CDC42SE2: variants seen among roughly 807,000 people sequenced by gnomAD.
CDC42SE2 encodes CDC42 small effector 2.
In CDC42SE2, 3 loss-of-function variants were observed where a neutral mutation model predicts 11.5. That is an observed-to-expected ratio of 0.26 (90% CI 0.12 to 0.67). The LOEUF is 0.67. Ranked by LOEUF, CDC42SE2 falls within the 30% of genes least tolerant of loss-of-function variation. The pLI, the probability that CDC42SE2 is intolerant of heterozygous loss-of-function variation, is 0.80. For missense variants in CDC42SE2, 82 were observed against 106.8 expected, an observed-to-expected ratio of 0.77 and a Z score of 1.02; for synonymous variants, 33 against 34.8, an observed-to-expected ratio of 0.95 and a Z score of 0.18.
At chr5:131,225,179 C>G in the CDC42SE2 span, among the ~76,000 whole-genome samples, 4 of 152,194 alleles carry the variant, frequency 2.6e-5, no homozygotes, top group African/African-American at 9.7e-5. Flanking sequence ...ACAGTGGCTT[C>G]TCTTGATTCA....
At chr5:131,296,685 C>T (rs937590658) in intron 1 of CDC42SE2, among the ~76,000 whole-genome samples, 1 of 152,136 alleles carries the variant, frequency 6.6e-6, no homozygotes, top group Non-Finnish European at 1.5e-5. Flanking sequence ...ACATCTGCAA[C>T]GTAAGGTCAC....
intron 3 of CDC42SE2, among the ~76,000 whole-genome samples, chr5:131,383,669 T>A (rs1750390702): frequency 6.6e-6 from 1 of 152,236 alleles, no homozygotes; most frequent in Non-Finnish European, 1.5e-5. Flanking sequence ...GTCAGCAGAC[T>A]ACTACTTTTA....
intron 1 of CDC42SE2, among the ~76,000 whole-genome samples, chr5:131,298,125 T>G (rs1257879249): frequency 6.6e-6 from 1 of 151,702 alleles, no homozygotes; most frequent in East Asian, 1.9e-4. Flanking sequence ...TTTTTTTTTT[T>G]GAGTTTTACT....
At chr5:131,318,112 T>C (rs894776099) in intron 2 of CDC42SE2, among the ~76,000 whole-genome samples, 11 of 151,920 alleles carry the variant, frequency 7.2e-5, no homozygotes, top group African/African-American at 2.7e-4. Context: ...AGCCAATTTA[T>C]ATTTTTTGTA....
At chr5:131,345,323 C>T (rs1580768689) in intron 2 of CDC42SE2, among the ~76,000 whole-genome samples, 1 of 152,018 alleles carries the variant, frequency 6.6e-6, no homozygotes, top group African/African-American at 2.4e-5. Context: ...CCTGATGGAG[C>T]TGAAAACCAT....
intron 2 of CDC42SE2, among the ~76,000 whole-genome samples, chr5:131,321,237 C>A (rs1376563497): frequency 6.6e-6 from 1 of 152,150 alleles, no homozygotes; most frequent in Non-Finnish European, 1.5e-5. Context: ...TGTGAATATA[C>A]AGGGTTAGTT....
At chr5:131,369,575 G>A (rs1749958880) in intron 3 of CDC42SE2, among the ~76,000 whole-genome samples, 1 of 152,134 alleles carries the variant, frequency 6.6e-6, no homozygotes, top group Non-Finnish European at 1.5e-5. Flanking sequence ...TCTTCAACAC[G>A]TGGTATTTTC....
intron 2 of CDC42SE2, among the ~76,000 whole-genome samples, chr5:131,352,956 T>C (rs1426290531): frequency 6.6e-6 from 1 of 152,106 alleles, no homozygotes; most frequent in East Asian, 1.9e-4. Context: ...AATTCATTAT[T>C]ATCAACTGCT....
chr5:131,379,975 G>A lies in CDC42SE2; in HGVS notation c.55-5568G>A, dbSNP rs527667598. On this transcript the variant is annotated intron_variant, in intron 3 of 4. Transcript: ENST00000505065. ...GGCACCCAGGCTGGAGTGCAGTGGT[G>A]TGATCTCGGCTCACTGCAACCTCTC... Among the ~76,000 whole-genome samples the A allele has an allele frequency of 2.0e-5, 3 of 151,972 alleles. No homozygotes were observed. In the East Asian group the frequency reaches 5.8e-4, roughly 29 times the overall value.
rs1195240061 is a variant in CDC42SE2, at chr5:131,391,716, A to G, written c.*625A>G. The G allele has an allele frequency of 6.6e-6, 1 of 152,276 alleles. No individual in the cohort carries two copies. Among genetic ancestry groups the G allele is most frequent in the Admixed American group, 6.5e-5 (1 of 15,284 alleles). 9.4% of individuals were successfully genotyped at this position (152,276 alleles called of 1,614,324 possible). ...AGATAATCTCTTGGGTAGTAATTTT[A>G]CAGTTAAGACTTCATTGTTTATAAA... On this transcript the variant is annotated 3_prime_UTR_variant, in exon 5 of 5. Transcript: ENST00000505065.
chr5:131,325,049 A>G (rs1050104475), intron 2 of CDC42SE2, among the ~76,000 whole-genome samples: 1 of 152,162 alleles, frequency 6.6e-6, no homozygotes, highest in African/African-American at 2.4e-5. Flanking sequence ...TACATAATCT[A>G]TTATCTAACC....
At chr5:131,365,543 G>T (rs1303194730) in intron 3 of CDC42SE2, among the ~76,000 whole-genome samples, 1 of 152,202 alleles carries the variant, frequency 6.6e-6, no homozygotes, top group African/African-American at 2.4e-5. Context: ...AATTAGGTAT[G>T]AGTATAGTAA....
At chr5:131,233,441 C>T in the CDC42SE2 span, among the ~76,000 whole-genome samples, 8 of 152,160 alleles carry the variant, frequency 5.3e-5, no homozygotes, top group Admixed American at 1.3e-4. Context: ...GATCTTGGCT[C>T]ACCGCAACCT....
intron 1 of CDC42SE2, among the ~76,000 whole-genome samples, chr5:131,278,179 T>C (rs1385532613): frequency 6.6e-6 from 1 of 152,142 alleles, no homozygotes; most frequent in Non-Finnish European, 1.5e-5. Context: ...AGATGGGGTT[T>C]CTCCTTGTTG....
Position 131,385,602 on chromosome 5 carries a change from A to G in CDC42SE2, c.114A>G (p.Thr38=), listed in dbSNP as rs770821590. ...GAGAGCCCACAAACTTTGTGCATAC[A>G]GCTCATGTTGGATCAGGAGACCTGT... The part of the protein sequence containing the change: ...MIGEPTNFVH[T]AHVGSGDLFS... The change falls in exon 4 of 5, where the codon ACA becomes ACG. Residue 38 remains threonine (T), a synonymous_variant. Transcript: ENST00000505065. 21 of 1,613,792 alleles carry G rather than the reference A, an allele frequency of 1.3e-5. No homozygotes were observed. The highest frequency in any genetic ancestry group is 1.8e-5 in the Non-Finnish European group (21 of 1,179,824).
intron 3 of CDC42SE2, among the ~76,000 whole-genome samples, chr5:131,371,433 C>G (rs1750009784): frequency 6.6e-6 from 1 of 152,110 alleles, no homozygotes; most frequent in African/African-American, 2.4e-5. Context: ...GTTCCATCTA[C>G]TTTTGTCTAT....
chr5:131,313,279 G>C (rs1276441971), intron 1 of CDC42SE2, among the ~76,000 whole-genome samples: 1 of 152,074 alleles, frequency 6.6e-6, no homozygotes, highest in Non-Finnish European at 1.5e-5. Flanking sequence ...ACCGCGCCTG[G>C]CCCCTCTCTT....
intron 3 of CDC42SE2, among the ~76,000 whole-genome samples, chr5:131,368,056 G>T (rs925197152): frequency 1.3e-5 from 2 of 151,820 alleles, no homozygotes; most frequent in African/African-American, 4.8e-5. Flanking sequence ...GATCGAGACT[G>T]TCCTGGCTAA....
chr5:131,363,601 T>G (rs1383483404), intron 3 of CDC42SE2, among the ~76,000 whole-genome samples: 1 of 151,842 alleles, frequency 6.6e-6, no homozygotes, highest in Non-Finnish European at 1.5e-5. Context: ...GGTCTCGAAC[T>G]CCTGACCTCA....
Sources: gnomAD v4.1 joint callset for allele counts (sites outside exome capture counted in the v4.1 genomes callset) on GRCh38, gnomAD v4.1.1 for gene constraint, MANE v1.5 for transcripts, NCBI Gene and HGNC (gene_info 2026-07-23, HGNC 2026-07-21) for gene names.